The following C2orf66 variants were observed in gnomAD, a reference collection of about 807,000 sequenced individuals.
C2orf66 encodes the protein uncharacterized protein C2orf66.
Under a neutral mutation model 7.0 loss-of-function variants are expected in C2orf66, and 6 were observed. The ratio of observed to expected loss-of-function variants is 0.86; its 90% confidence interval spans 0.47 to 1.69. C2orf66 has a LOEUF of 1.69. Ranked by LOEUF, C2orf66 falls within the 40% of genes most tolerant of loss-of-function variation. C2orf66 has a pLI of 0.01. For synonymous variants in C2orf66, 38 were observed against 43.8 expected, an observed-to-expected ratio of 0.87 and a Z score of 0.52; for missense variants, 107 against 112.0, an observed-to-expected ratio of 0.96 and a Z score of 0.20.
At position 196,805,376 on chromosome 2, in the gene C2orf66, A is replaced by C. The variant is rs1203450345; in HGVS notation, c.*52T>G. ...CAATGGTTGAATTTTTCTAATGAGA[A>C]GCTTCATCTGTAGTTTTAAAATAGC... On this transcript the variant is annotated 3_prime_UTR_variant, in exon 3 of 3. Transcript: ENST00000342506. The C allele has an allele frequency of 6.6e-6, 1 of 152,198 alleles. No individual in the cohort carries two copies. Among genetic ancestry groups the C allele is most frequent in the Non-Finnish European group, 1.5e-5 (1 of 68,032 alleles). The allele number at this position is 152,198 out of a possible 1,614,324, so 9.4% of individuals were successfully genotyped here. A position where few individuals can be genotyped will look rare whatever the true frequency, so the allele number is the denominator to read the frequency against.
At chr2:196,814,380 C>A in the C2orf66 span, among the ~76,000 whole-genome samples, 1 of 151,988 alleles carries the variant, frequency 6.6e-6, no homozygotes. Flanking sequence ...AATGAGAACA[C>A]ATGGACACAG....
At chr2:196,825,495 C>A in the C2orf66 span, among the ~76,000 whole-genome samples, 1 of 152,150 alleles carries the variant, frequency 6.6e-6, no homozygotes, top group African/African-American at 2.4e-5. Context: ...TGCTAATTAG[C>A]TTGATTGTGG....
the C2orf66 span, among the ~76,000 whole-genome samples, chr2:196,819,526 T>C: frequency 6.6e-6 from 1 of 151,932 alleles, no homozygotes; most frequent in Non-Finnish European, 1.5e-5. Flanking sequence ...TGAATGTCTG[T>C]TGTTCACAAG....
At chr2:196,831,070 A>T in the C2orf66 span, among the ~76,000 whole-genome samples, 1 of 152,122 alleles carries the variant, frequency 6.6e-6, no homozygotes, top group Non-Finnish European at 1.5e-5. Context: ...GCAATACTCT[A>T]AATGTTTTGC....
chr2:196,809,216 G>A lies in C2orf66; in HGVS notation c.121C>T (p.Leu41=). 6.2e-7 allele frequency: 1 copy of A among 1,613,848 alleles called. No individual in the cohort carries two copies. Among genetic ancestry groups the A allele is most frequent in the Non-Finnish European group, 8.5e-7 (1 of 1,179,856 alleles). The change falls in exon 1 of 3, where the codon CTG becomes TTG. Residue 41 remains leucine, a splice_region_variant and synonymous_variant. Coordinates refer to ENST00000342506, the MANE Select transcript of C2orf66 (RefSeq NM_213608.3). ...CCAGGCCCCAAGTGTGTTCTTACCA[G>A]ATCTCTGTTTCTGGGGTTGTTGAGT... ...KPLNNPRNRD[L]FFRRLQAYFK...
At chr2:196,828,228 T>TCACA in the C2orf66 span, among the ~76,000 whole-genome samples, 289 of 127,364 alleles carry the variant, frequency 2.3e-3, 1 homozygote, top group Middle Eastern at 7.9e-3. Context: ...TCTCTCTCTC[T>TCACA]CTCACACACA....
chr2:196,819,300 A>G, the C2orf66 span, among the ~76,000 whole-genome samples: 1 of 152,042 alleles, frequency 6.6e-6, no homozygotes, highest in African/African-American at 2.4e-5. Flanking sequence ...CAGGAGGTGG[A>G]GCCTCTCGGA....
chr2:196,807,309 G>T, intron 2 of C2orf66, 115 bp downstream of exon 2: 1 of 636,674 alleles, frequency 1.6e-6, no homozygotes. Context: ...GCAGAACTGA[G>T]CATTTATTTC....
At chr2:196,809,426 A>T (rs754343654), upstream of C2orf66, 23 of 1,554,192 alleles carry the variant, frequency 1.5e-5, no homozygotes, top group Admixed American at 4.0e-4. Context: ...GAAAGAGGAA[A>T]CATCTGTAAA....
At chr2:196,831,678 G>A in the C2orf66 span, among the ~76,000 whole-genome samples, 3 of 152,120 alleles carry the variant, frequency 2.0e-5, no homozygotes, top group Non-Finnish European at 4.4e-5. Context: ...AAGATTGGGC[G>A]TCCGGTGGGC....
chr2:196,809,377 T>A (rs373807264), upstream of C2orf66: 1 of 1,611,052 alleles, frequency 6.2e-7, no homozygotes, highest in Non-Finnish European at 8.5e-7. Context: ...GCGGGAGCTG[T>A]CAATGATCAT....
the C2orf66 span, among the ~76,000 whole-genome samples, chr2:196,827,672 T>C: frequency 1.3e-5 from 2 of 152,234 alleles, no homozygotes; most frequent in Non-Finnish European, 2.9e-5. Flanking sequence ...TCAAATCTTC[T>C]ACTCTAATCC....
At chr2:196,820,352 G>A in the C2orf66 span, among the ~76,000 whole-genome samples, 18 of 152,228 alleles carry the variant, frequency 1.2e-4, no homozygotes, top group East Asian at 2.1e-3. Context: ...TACGTCATAG[G>A]AGATATCTCC....
intron 1 of C2orf66, among the ~76,000 whole-genome samples, chr2:196,808,230 G>A (rs1471196684): frequency 6.6e-6 from 1 of 152,202 alleles, no homozygotes; most frequent in Non-Finnish European, 1.5e-5. Flanking sequence ...TGCACCTAGG[G>A]CTGACAACAT....
chr2:196,814,474 T>G, the C2orf66 span, among the ~76,000 whole-genome samples: 1 of 152,032 alleles, frequency 6.6e-6, no homozygotes, highest in East Asian at 1.9e-4. Context: ...CTAATGTAGA[T>G]GACGAGTTGA....
the C2orf66 span, among the ~76,000 whole-genome samples, chr2:196,825,836 T>C: frequency 6.6e-6 from 1 of 152,164 alleles, no homozygotes; most frequent in Non-Finnish European, 1.5e-5. Context: ...ACACAGTCCA[T>C]AGGAGATACC....
the C2orf66 span, among the ~76,000 whole-genome samples, chr2:196,825,379 G>C: frequency 6.6e-6 from 1 of 152,060 alleles, no homozygotes; most frequent in Admixed American, 6.6e-5. Context: ...TCACATGTTA[G>C]AATGACTATA....
chr2:196,829,910 C>G, the C2orf66 span, among the ~76,000 whole-genome samples: 1 of 150,666 alleles, frequency 6.6e-6, no homozygotes, highest in Non-Finnish European at 1.5e-5. Context: ...ACAAAACAAA[C>G]AAAACAAAAA....
At chr2:196,813,483 A>C (rs1478436391), upstream of C2orf66, among the ~76,000 whole-genome samples, 2 of 152,234 alleles carry the variant, frequency 1.3e-5, no homozygotes, top group Non-Finnish European at 2.9e-5. Flanking sequence ...CCCTAGAAGA[A>C]AACCTAGGCA....
Sources: allele counts gnomAD v4.1 joint callset (sites outside exome capture counted in the v4.1 genomes callset), GRCh38; gene constraint gnomAD v4.1.1; transcripts MANE v1.5; gene names NCBI Gene and HGNC (gene_info 2026-07-23, HGNC 2026-07-21).